The following KCNMA1 variants were observed in gnomAD, a reference collection of about 807,000 sequenced individuals.
KCNMA1 encodes the protein Calcium-activated potassium channel subunit alpha-1.
A neutral mutation model predicts 140.0 loss-of-function variants in KCNMA1; 29 were observed. The observed-to-expected ratio is 0.21, with a 90% CI of 0.15 to 0.28. The LOEUF (loss-of-function observed/expected upper bound fraction) is 0.28. KCNMA1 is among the 10% of genes least tolerant of loss of function. The pLI, the probability that KCNMA1 is intolerant of heterozygous loss-of-function variation, is 1.00. For synonymous variants in KCNMA1, 612 were observed against 611.9 expected, an observed-to-expected ratio of 1.00 and a Z score of 0.00; for missense variants, 880 against 1,602.2, an observed-to-expected ratio of 0.55 and a Z score of 7.70.
chr10:77,204,813 G>A (rs946777160), intron 3 of KCNMA1, among the ~76,000 whole-genome samples: 8 of 152,140 alleles, frequency 5.3e-5, no homozygotes, highest in African/African-American at 1.7e-4. Flanking sequence ...TTCAGGTCCT[G>A]CATACGAGTG....
intron 1 of KCNMA1, among the ~76,000 whole-genome samples, chr10:77,586,833 G>C (rs1484535085): frequency 6.6e-6 from 1 of 152,154 alleles, no homozygotes; most frequent in Non-Finnish European, 1.5e-5. Context: ...TCCTAACTCA[G>C]CCCTCACTAT....
chr10:77,069,945 AG>A (rs1688409664), intron 14 of KCNMA1, among the ~76,000 whole-genome samples: 2 of 152,128 alleles, frequency 1.3e-5, no homozygotes, highest in Admixed American at 1.3e-4. Context: ...CTTCTTGAGT[AG>A]CTGGGACTAC....
intron 1 of KCNMA1, among the ~76,000 whole-genome samples, chr10:77,573,920 T>C (rs1352433209): frequency 6.6e-6 from 1 of 150,828 alleles, no homozygotes; most frequent in Non-Finnish European, 1.5e-5. Flanking sequence ...TCACTGCAAC[T>C]TCCGCCTCCC....
intron 1 of KCNMA1, among the ~76,000 whole-genome samples, chr10:77,521,416 G>C (rs1022280471): frequency 6.6e-6 from 1 of 152,206 alleles, no homozygotes; most frequent in Non-Finnish European, 1.5e-5. Context: ...GCAGCAAAGT[G>C]CAAGATTAGA....
chr10:77,227,317 C>T (rs2051826970), intron 3 of KCNMA1, among the ~76,000 whole-genome samples: 1 of 152,106 alleles, frequency 6.6e-6, no homozygotes, highest in Admixed American at 6.5e-5. Flanking sequence ...TTCACCAAGC[C>T]CCAGAAGAAG....
intron 1 of KCNMA1, among the ~76,000 whole-genome samples, chr10:77,426,376 T>C (rs1481135739): frequency 1.3e-5 from 2 of 152,180 alleles, no homozygotes; most frequent in Non-Finnish European, 2.9e-5. Context: ...CCCTAAATAG[T>C]AACTCATTGA....
chr10:77,387,556 T>TTTTC lies in KCNMA1; in HGVS notation c.540+16305_540+16306insGAAA, dbSNP rs780477007. Among the ~76,000 whole-genome samples the TTTTC allele has an allele frequency of 3.1e-3, 354 of 113,154 alleles. 2 individuals carry two copies. Among genetic ancestry groups the TTTTC allele is most frequent in the African/African-American group, 0.01 (299 of 29,146 alleles). 74.2% of individuals were successfully genotyped at this position (113,154 alleles called of 152,430 possible). On this transcript the variant is annotated intron_variant, in intron 2 of 27. Transcript: ENST00000286628. ...TTTTCTTTTCTTTTCTTTTCTTTTC[T>TTTTC]TTTTCTTTTCTTTTCTTTTTTTTCT...
chr10:77,422,663 A>G lies in KCNMA1; in HGVS notation c.379-18640T>C, dbSNP rs746028909. On this transcript the variant is annotated intron_variant, in intron 1 of 27. Transcript: ENST00000286628. Reference sequence around the variant, plus strand: ...TCTTTGCAGATGTAATCAAGTTAAAATGAGGTCATACTGGAGTAGGGTGAG... The same window carrying G: ...TCTTTGCAGATGTAATCAAGTTAAAGTGAGGTCATACTGGAGTAGGGTGAG... 2.6e-5 allele frequency among the ~76,000 whole-genome samples: 4 copies of G among 152,246 alleles called. No homozygotes were observed. The East Asian group carries it at 7.7e-4, about 29-fold the overall frequency.
At chr10:77,213,803 G>A (rs1350989886) in intron 3 of KCNMA1, among the ~76,000 whole-genome samples, 1 of 152,138 alleles carries the variant, frequency 6.6e-6, no homozygotes, top group Non-Finnish European at 1.5e-5. Context: ...CAACTATAGT[G>A]TTTCTGATAT....
chr10:77,108,263 C>G lies in KCNMA1; in HGVS notation c.1223+218G>C. ...ACTCCTGAAAGTCACTCAACCACAT[C>G]TTTTCTGATGCAACTGACTTACTTT... On this transcript the variant is annotated intron_variant, in intron 9 of 27. Coordinates refer to ENST00000286628, the MANE Select transcript of KCNMA1 (RefSeq NM_001161352.2). This position sits in a 1 kb window ranked among gnomAD's most constrained non-coding sequence, Gnocchi z 4.6. 1.7e-5 allele frequency: 24 copies of G among 1,452,490 alleles called. No homozygotes were observed. The highest frequency in any genetic ancestry group is 2.6e-5 in the Admixed American group (1 of 38,898). The allele number at this position is 1,452,490 out of a possible 1,614,324, so 90.0% of individuals were successfully genotyped here.
At position 76,914,993 on chromosome 10, in the gene KCNMA1, T is replaced by A; in HGVS notation, c.2959A>T (p.Met987Leu). Reference sequence around the variant, plus strand: ...GTTGTGATGGATGGTTGACGTAACATCCCGTGCACTGGGCTGTTATCTGGA... The same window carrying A: ...GTTGTGATGGATGGTTGACGTAACAACCCGTGCACTGGGCTGTTATCTGGA... ...SSPDNSPVHGMLRQPSITTGV... is the reference protein window; with the variant it reads ...SSPDNSPVHGLLRQPSITTGV... Residue 987 changes from methionine to leucine, a missense_variant, in exon 24 of 28, where the codon ATG (methionine) becomes TTG (leucine). Coordinates refer to ENST00000286628, the MANE Select transcript of KCNMA1 (RefSeq NM_001161352.2). 6.2e-7 allele frequency: 1 copy of A among 1,613,572 alleles called. No individual in the cohort carries two copies. The highest frequency in any genetic ancestry group is 8.5e-7 in the Non-Finnish European group (1 of 1,179,680).
intron 1 of KCNMA1, among the ~76,000 whole-genome samples, chr10:77,426,436 CG>C (rs901117604): frequency 1.3e-5 from 2 of 152,044 alleles, no homozygotes; most frequent in African/African-American, 4.8e-5. Flanking sequence ...GCCCATTTTA[CG>C]GATGAGGAAA....
intron 23 of KCNMA1, chr10:76,939,399 C>G (rs545198555): frequency 6.6e-6 from 1 of 152,304 alleles, no homozygotes; most frequent in Non-Finnish European, 1.5e-5. Flanking sequence ...GGATTACAGG[C>G]GTAAGCCACC....
intron 1 of KCNMA1, among the ~76,000 whole-genome samples, chr10:77,415,833 G>A (rs2096730524): frequency 6.6e-6 from 1 of 152,220 alleles, no homozygotes. Flanking sequence ...ACAGCGCACT[G>A]TGTGTGTCAG....
intron 2 of KCNMA1, among the ~76,000 whole-genome samples, chr10:77,397,847 T>C (rs1381035738): frequency 2.0e-5 from 3 of 152,292 alleles, no homozygotes; most frequent in South Asian, 4.1e-4. Context: ...TAGCTCCCAC[T>C]TATTCATGAG....
At chr10:76,981,758 C>G (rs1466017884) in intron 19 of KCNMA1, among the ~76,000 whole-genome samples, 2 of 152,214 alleles carry the variant, frequency 1.3e-5, no homozygotes, top group African/African-American at 2.4e-5. Context: ...TCCCCTGGCA[C>G]TTCTGATCTC....
At position 77,082,002 on chromosome 10, in the gene KCNMA1, C is replaced by CTTTTTTTTTTT. The variant is rs772878572; in HGVS notation, c.1524-2453_1524-2452insAAAAAAAAAAA. Among the ~76,000 whole-genome samples the CTTTTTTTTTTT allele has an allele frequency of 1.2e-3, 63 of 51,684 alleles. 12 individuals carry two copies. The highest frequency in any genetic ancestry group is 1.4e-3 in the Non-Finnish European group (31 of 21,708). 33.9% of individuals were successfully genotyped at this position (51,684 alleles called of 152,430 possible). On this transcript the variant is annotated intron_variant, in intron 12 of 27. Transcript: ENST00000286628. ...CCTTTGACCAGTAATTTCTTTTTTT[C>CTTTTTTTTTTT]TTTTCTTTTTTTTTTTTTTTTTTTT...
intron 1 of KCNMA1, among the ~76,000 whole-genome samples, chr10:77,614,481 C>A (rs1220620930): frequency 1.3e-5 from 2 of 152,200 alleles, no homozygotes; most frequent in Non-Finnish European, 2.9e-5. Context: ...CCTCACCTAA[C>A]CAGTGCTTTG....
intron 3 of KCNMA1, among the ~76,000 whole-genome samples, chr10:77,244,281 TCC>T (rs1454727315): frequency 1.3e-5 from 2 of 152,160 alleles, no homozygotes; most frequent in Non-Finnish European, 2.9e-5. Context: ...CCAGTTGGGA[TCC>T]AATGCCTCTT....
Sources: gnomAD v4.1 joint callset for allele counts (sites outside exome capture counted in the v4.1 genomes callset) on GRCh38, gnomAD v4.1.1 for gene constraint, Gnocchi (gnomAD v3.1) non-coding constraint, MANE v1.5 for transcripts, NCBI Gene and HGNC (gene_info 2026-07-23, HGNC 2026-07-21) for gene names.